SORCS1: variants seen among roughly 807,000 people sequenced by gnomAD.
The protein encoded by SORCS1 is VPS10 domain-containing receptor SorCS1.
Under a neutral mutation model 146.1 loss-of-function variants are expected in SORCS1, and 60 were observed. The observed-to-expected ratio is 0.41, with a 90% confidence interval of 0.33 to 0.51. The LOEUF is 0.51. Among genes scored for constraint, SORCS1 ranks in the 20% least tolerant of loss-of-function variants. The pLI is 0.21. For synonymous variants in SORCS1, 637 were observed against 584.0 expected (o/e 1.09, Z -1.31); for missense variants, 1,352 against 1,487.6 (o/e 0.91, Z 1.50).
At chr10:107,039,052 A>T (rs1959043118) in intron 1 of SORCS1, among the ~76,000 whole-genome samples, 2 of 152,286 alleles carry the variant, frequency 1.3e-5, no homozygotes, top group South Asian at 4.1e-4. Flanking sequence ...GTAAACAAAA[A>T]GGAAAAAGAA....
At chr10:106,944,641 C>T (rs143495318) in intron 2 of SORCS1, among the ~76,000 whole-genome samples, 5 of 152,182 alleles carry the variant, frequency 3.3e-5, no homozygotes, top group East Asian at 1.9e-4. Context: ...TATGTATGTA[C>T]GTATTTATAC....
At chr10:106,814,758 C>G (rs1333023178) in intron 3 of SORCS1, among the ~76,000 whole-genome samples, 1 of 151,278 alleles carries the variant, frequency 6.6e-6, no homozygotes, top group African/African-American at 2.4e-5. Flanking sequence ...ACTAAAAATA[C>G]AAAAAAATTA....
rs188331129 is a variant in SORCS1, at chr10:106,623,300, C to T, written c.2663-2739G>A. 4.8e-5 allele frequency among the ~76,000 whole-genome samples: 7 copies of T among 146,740 alleles called. No homozygotes were observed. The South Asian group carries it at 6.5e-4, about 14-fold the overall frequency. On this transcript the variant is annotated intron_variant, in intron 19 of 25. Coordinates refer to ENST00000263054, the MANE Select transcript of SORCS1 (RefSeq NM_052918.5). ...CTCTGTCGCTCAGGCTGGAGTGCAGCGGCACGATCTCGGAGCATTGCAACC... is the reference window on the plus strand; with the variant it reads ...CTCTGTCGCTCAGGCTGGAGTGCAGTGGCACGATCTCGGAGCATTGCAACC...
intron 1 of SORCS1, among the ~76,000 whole-genome samples, chr10:107,103,598 T>C (rs1458884116): frequency 6.6e-6 from 1 of 152,238 alleles, no homozygotes; most frequent in Non-Finnish European, 1.5e-5. Flanking sequence ...TGGTTCAATA[T>C]GCTCAGTGGG....
chr10:106,667,240 A>C (rs1251524936), intron 17 of SORCS1: 2 of 157,630 alleles, frequency 1.3e-5, no homozygotes, highest in Non-Finnish European at 2.8e-5. Context: ...AAAGCAAAAT[A>C]CATTCGTATT....
intron 10 of SORCS1, 126 bp downstream of exon 10, chr10:106,688,066 C>T (rs957480174): frequency 1.5e-5 from 20 of 1,344,722 alleles, no homozygotes; most frequent in African/African-American, 4.4e-5. Context: ...TTTGCCTTCA[C>T]GCCCTTCCCC....
At chr10:106,881,599 T>A (rs1296055069) in intron 2 of SORCS1, among the ~76,000 whole-genome samples, 1 of 152,198 alleles carries the variant, frequency 6.6e-6, no homozygotes, top group Non-Finnish European at 1.5e-5. Context: ...AAATCCCACC[T>A]AATAAAACTG....
chr10:106,703,693 T>A (rs1854300058), intron 8 of SORCS1, among the ~76,000 whole-genome samples: 1 of 152,246 alleles, frequency 6.6e-6, no homozygotes, highest in Non-Finnish European at 1.5e-5. Flanking sequence ...TCAATTCCTT[T>A]GGTCGGCATG....
rs139382376 is a variant in SORCS1 at position 106,594,974 on chromosome 10, A to G, written c.3265+2377T>C. Among the ~76,000 whole-genome samples the G allele has an allele frequency of 3.0e-4, 46 of 152,294 alleles. No individual in the cohort carries two copies. In the East Asian group the frequency reaches 7.2e-3, roughly 24 times the overall value. On this transcript the variant is annotated intron_variant, in intron 24 of 25. Transcript: ENST00000263054. ...AGTGGTTACTTTCTACTCAGTTGAC[A>G]TTTGTCAGTGGCTTGGCTATTAGGA... is the stretch of plus-strand genomic sequence containing the variant.
At chr10:106,667,842 C>A (rs765472335) in intron 16 of SORCS1, 40 bp from the exon 17 acceptor site, 13 of 1,486,218 alleles carry the variant, frequency 8.7e-6, no homozygotes, top group Admixed American at 1.8e-5. Context: ...CACTAGGTGG[C>A]AAAATTACTG....
intron 10 of SORCS1, among the ~76,000 whole-genome samples, chr10:106,686,213 G>A (rs1399943729): frequency 6.6e-6 from 1 of 152,208 alleles, no homozygotes. Context: ...GAGCAACAAT[G>A]CTGGCTTGGA....
intron 10 of SORCS1, among the ~76,000 whole-genome samples, chr10:106,684,797 A>G (rs1852700752): frequency 6.6e-6 from 1 of 152,148 alleles, no homozygotes; most frequent in Non-Finnish European, 1.5e-5. Flanking sequence ...ATCACTTTTT[A>G]TCTCATCTCT....
intron 2 of SORCS1, among the ~76,000 whole-genome samples, chr10:106,883,651 G>A (rs893506257): frequency 9.9e-5 from 15 of 152,064 alleles, no homozygotes; most frequent in Non-Finnish European, 1.6e-4. Context: ...CTGACCTCGT[G>A]ATCCACCCGC....
At chr10:106,998,788 C>A (rs1564907295) in intron 1 of SORCS1, among the ~76,000 whole-genome samples, 1 of 152,188 alleles carries the variant, frequency 6.6e-6, no homozygotes, top group Admixed American at 6.5e-5. Context: ...CTAAAAATAA[C>A]CTCTCTGATA....
intron 1 of SORCS1, among the ~76,000 whole-genome samples, chr10:106,989,369 C>T (rs1339604357): frequency 1.3e-5 from 2 of 151,622 alleles, no homozygotes; most frequent in Admixed American, 1.3e-4. Flanking sequence ...TTGATTCTGC[C>T]AGGTCCACTA....
chr10:107,057,496 C>T (rs895106059), intron 1 of SORCS1, among the ~76,000 whole-genome samples: 4 of 152,076 alleles, frequency 2.6e-5, no homozygotes, highest in African/African-American at 4.8e-5. Flanking sequence ...AAACAAGGGC[C>T]CAATTGCATT....
intron 23 of SORCS1, among the ~76,000 whole-genome samples, chr10:106,603,537 G>A (rs955151757): frequency 6.6e-6 from 1 of 152,192 alleles, no homozygotes; most frequent in Non-Finnish European, 1.5e-5. Context: ...AAGGAGGACT[G>A]AGAGTCCTTT....
intron 21 of SORCS1, among the ~76,000 whole-genome samples, chr10:106,613,744 T>A (rs1847168842): frequency 6.6e-6 from 1 of 152,168 alleles, no homozygotes; most frequent in African/African-American, 2.4e-5. Context: ...AAATTTAGAT[T>A]CTTACCACAG....
chr10:106,617,542 C>T (rs1333023593), intron 21 of SORCS1, among the ~76,000 whole-genome samples: 1 of 152,166 alleles, frequency 6.6e-6, no homozygotes, highest in South Asian at 2.1e-4. Flanking sequence ...ATGACTCCAT[C>T]TTTTCATTTC....
Sources: gnomAD v4.1 joint callset for allele counts (sites outside exome capture counted in the v4.1 genomes callset) on GRCh38, gnomAD v4.1.1 for gene constraint, MANE v1.5 for transcripts, NCBI Gene and HGNC (gene_info 2026-07-23, HGNC 2026-07-21) for gene names.